The following UBP1 variants were observed in gnomAD, a reference collection of about 807,000 sequenced individuals.
The protein encoded by UBP1 is upstream binding protein 1.
In UBP1, 22 loss-of-function variants were observed where a neutral mutation model predicts 76.1. The ratio of observed to expected loss-of-function variants is 0.29; its 90% CI spans 0.21 to 0.41. The LOEUF (loss-of-function observed/expected upper bound fraction) is 0.41. Ranked by LOEUF, UBP1 falls within the 10% of genes least tolerant of loss-of-function variation. The pLI is 1.00. For synonymous variants in UBP1, 224 were observed against 237.1 expected, an observed-to-expected ratio of 0.94 and a Z score of 0.51; for missense variants, 436 against 668.1, an observed-to-expected ratio of 0.65 and a Z score of 3.83.
rs375776721 is a variant in UBP1 at position 33,439,990 on chromosome 3, G to T, written c.-142C>A. The T allele has an allele frequency of 2.5e-6, 2 of 813,486 alleles. No homozygotes were observed. Among genetic ancestry groups the T allele is most frequent in the Admixed American group, 3.7e-5 (1 of 26,742 alleles). The allele number at this position is 813,486 out of a possible 1,614,324, so 50.4% of individuals were successfully genotyped here. A position where few individuals can be genotyped will look rare whatever the true frequency, so the allele number is the denominator to read the frequency against. On this transcript the variant is annotated 5_prime_UTR_variant, in exon 1 of 16. Transcript: ENST00000283629. Reference sequence around the variant, plus strand: ...AGTGGTCACCAGCGGCGGCCGGGACGAGAGCTGCGGGGGCCCCACTGGCAG... The same window carrying T: ...AGTGGTCACCAGCGGCGGCCGGGACTAGAGCTGCGGGGGCCCCACTGGCAG...
chr3:33,398,735 GAAACATGGA>G (rs1559670403), intron 11 of UBP1, among the ~76,000 whole-genome samples: 1 of 152,222 alleles, frequency 6.6e-6, no homozygotes, highest in South Asian at 2.1e-4. Context: ...TCACCAGATA[GAAACATGGA>G]TTTGCCTGAT....
chr3:33,414,975 A>C (rs200493753), intron 3 of UBP1, among the ~76,000 whole-genome samples: 17 of 85,966 alleles, frequency 2.0e-4, no homozygotes, highest in Non-Finnish European at 2.7e-4. Flanking sequence ...ATTACGTCAT[A>C]ATGAGGTGTC....
chr3:33,412,762 T>G lies in UBP1; in HGVS notation c.408A>C (p.Gly136=). Residue 136 remains glycine (G), a synonymous_variant, in exon 4 of 16, where the codon GGA becomes GGC. Coordinates refer to ENST00000283629, the MANE Select transcript of UBP1 (RefSeq NM_014517.5). ...TGTCTCCTGGGCGATTCCACTTCCA[T>G]CCTTCAAGTTGCTGATGCTCTGTGT... ...LQYTEHQQLE[G]WKWNRPGDRL... 1 of 1,614,068 alleles carries G rather than the reference T, an allele frequency of 6.2e-7. No homozygotes were observed. The highest frequency in any genetic ancestry group is 8.5e-7 in the Non-Finnish European group (1 of 1,179,908).
intron 1 of UBP1, among the ~76,000 whole-genome samples, chr3:33,433,557 G>A (rs1485249182): frequency 1.3e-5 from 2 of 151,588 alleles, no homozygotes; most frequent in Admixed American, 1.3e-4. Context: ...GGAGGCTGAG[G>A]CAGGAGAATC....
At chr3:33,426,762 A>G (rs949299109) in intron 1 of UBP1, among the ~76,000 whole-genome samples, 3 of 152,146 alleles carry the variant, frequency 2.0e-5, no homozygotes, top group Non-Finnish European at 4.4e-5. Context: ...CCAATGCTTC[A>G]TTCTTTTTAA....
Position 33,388,779 on chromosome 3 carries a change from T to C in UBP1, c.*1552A>G, listed in dbSNP as rs188720700. 13 of 152,338 alleles carry C rather than the reference T, an allele frequency of 8.5e-5. No individual in the cohort carries two copies. Among genetic ancestry groups the C allele is most frequent in the East Asian group, 1.9e-4 (1 of 5,188 alleles). The allele number at this position is 152,338 out of a possible 1,614,324, so 9.4% of individuals were successfully genotyped here. A position where few individuals can be genotyped will look rare whatever the true frequency, so the allele number is the denominator to read the frequency against. ...GATATTTTCAAATCGATGATGAAAA[T>C]AGATCGTGCTTCTTTGTAGCAAATA... is the stretch of plus-strand genomic sequence containing the variant. On this transcript the variant is annotated 3_prime_UTR_variant, in exon 16 of 16. Transcript: ENST00000283629.
Position 33,396,232 on chromosome 3 carries a change from G to T in UBP1, c.1320C>A (p.Ser440Arg). The T allele has an allele frequency of 6.3e-7, 1 of 1,593,186 alleles. No homozygotes were observed. Among genetic ancestry groups the T allele is most frequent in the Non-Finnish European group, 8.6e-7 (1 of 1,163,274 alleles). The change falls in exon 13 of 16, where the codon AGC (serine) becomes AGA (arginine). Residue 440 changes from serine (S) to arginine (R), a missense_variant. Transcript: ENST00000283629. ...LTIYVCREQP[S>R]STVLQGQQQA... is the part of the protein sequence containing the mutation. ...GCTGCTGCCCTTGCAGCACTGTGCT[G>T]CTTGGCTGCTCCCGGCAGACATAGA...
At chr3:33,402,252 G>A (rs73051538) in intron 9 of UBP1, among the ~76,000 whole-genome samples, 1 of 152,276 alleles carries the variant, frequency 6.6e-6, no homozygotes, top group Non-Finnish European at 1.5e-5. Context: ...CCCACCCTGA[G>A]CTTACTCTAG....
rs60739079 is a variant in UBP1, at chr3:33,425,996, A to AATATATATATAT, written c.114-267_114-256dup. 1.6e-3 allele frequency among the ~76,000 whole-genome samples: 87 copies of AATATATATATAT among 55,092 alleles called. 1 individual carries two copies. Among genetic ancestry groups the AATATATATATAT allele is most frequent in the African/African-American group, 2.3e-3 (27 of 11,650 alleles). 36.1% of individuals were successfully genotyped at this position (55,092 alleles called of 152,430 possible). A position where few individuals can be genotyped will look rare whatever the true frequency, so the allele number is the denominator to read the frequency against. ...GGGGGAGGGCGGCAGGGCAGCTCTGAATATATATATATATATATATATATA... is the reference window on the plus strand; with the variant it reads ...GGGGGAGGGCGGCAGGGCAGCTCTGAATATATATATATATATATATATATATATATATATATA... On this transcript the variant is annotated intron_variant, in intron 1 of 15. Coordinates refer to ENST00000283629, the MANE Select transcript of UBP1 (RefSeq NM_014517.5).
At chr3:33,393,545 C>G (rs2043851997) in intron 13 of UBP1, 91 bp from the exon 14 acceptor site, 2 of 1,260,328 alleles carry the variant, frequency 1.6e-6, no homozygotes, top group Admixed American at 6.2e-5. Context: ...GAAGGTCACA[C>G]CTTTCAAAGT....
chr3:33,394,817 G>GTTTTT (rs76142927), intron 13 of UBP1, among the ~76,000 whole-genome samples: 14 of 110,426 alleles, frequency 1.3e-4, no homozygotes, highest in Admixed American at 5.3e-4. Context: ...CCCTCCACTT[G>GTTTTT]TTTTTTTTTT....
chr3:33,422,356 C>A (rs1333490246), intron 2 of UBP1, among the ~76,000 whole-genome samples: 1 of 151,496 alleles, frequency 6.6e-6, no homozygotes, highest in Non-Finnish European at 1.5e-5. Flanking sequence ...GCCTGGGCAA[C>A]ATAGCAAGAT....
chr3:33,411,971 G>A (rs939835622), intron 4 of UBP1, among the ~76,000 whole-genome samples: 8 of 152,136 alleles, frequency 5.3e-5, no homozygotes, highest in Non-Finnish European at 1.0e-4. Context: ...TGGATAACCC[G>A]AGGTCAGGAG....
chr3:33,403,113 T>A, intron 8 of UBP1: 1 of 504,942 alleles, frequency 2.0e-6, no homozygotes, highest in Non-Finnish European at 3.6e-6. Flanking sequence ...CTGATTAATC[T>A]TAGAGAAGAC....
At chr3:33,402,676 T>C (rs2044273260) in intron 9 of UBP1, 125 bp downstream of exon 9, 2 of 616,472 alleles carry the variant, frequency 3.2e-6, no homozygotes, top group Non-Finnish European at 5.1e-6. Context: ...AGATACAGGA[T>C]ACTTCCCCTT....
At position 33,439,768 on chromosome 3, in the gene UBP1, C is replaced by A. The variant is rs374162698; in HGVS notation, c.81G>T (p.Gly27=). ...HDFDASLSGI[G]QELGAGAYSM... ...TGTAAGCGCCGGCGCCCAGTTCCTG[C>A]CCGATGCCCGAGAGGCTGGCGTCGA... The change falls in exon 1 of 16, where the codon GGG becomes GGT. Residue 27 remains glycine (G), a synonymous_variant. Coordinates refer to ENST00000283629, the MANE Select transcript of UBP1 (RefSeq NM_014517.5). The A allele has an allele frequency of 6.2e-7, 1 of 1,612,826 alleles. No homozygotes were observed.
In UBP1 at chr3:33,416,793, C is replaced by G. The variant is rs1268448733; in HGVS notation, c.307G>C (p.Gly103Arg). 1.9e-6 allele frequency: 3 copies of G among 1,613,580 alleles called. No homozygotes were observed. The South Asian group carries it at 3.3e-5, about 18-fold the overall frequency. ...TTTCCATTGATCTCAGGCATATCAC[C>G]CATTTTCCGATTATCCAGCATCCGA... is the stretch of plus-strand genomic sequence containing the variant. ...EIRMLDNRKMGDMPEINGKLV... is the reference protein window; with the variant it reads ...EIRMLDNRKMRDMPEINGKLV... The change falls in exon 3 of 16, where the codon GGT becomes CGT. Residue 103 changes from glycine to arginine, a missense_variant. Transcript: ENST00000283629.
Position 33,390,380 on chromosome 3 carries a change from G to C in UBP1, c.1586-12C>G, listed in dbSNP as rs368432015. ...ATCACTACTTTCAGCTGCAGAAAAA[G>C]GAAAGACAGTATTTCTTCAGTCAGG... On this transcript the variant is annotated splice_polypyrimidine_tract_variant and intron_variant, in intron 15 of 15. Transcript: ENST00000283629. 1 of 1,613,638 alleles carries C rather than the reference G, an allele frequency of 6.2e-7. No individual in the cohort carries two copies. Among genetic ancestry groups the C allele is most frequent in the Non-Finnish European group, 8.5e-7 (1 of 1,179,954 alleles).
chr3:33,390,312 G>C lies in UBP1; in HGVS notation c.*19C>G, dbSNP rs1304456786. On this transcript the variant is annotated 3_prime_UTR_variant, in exon 16 of 16. Coordinates refer to ENST00000283629, the MANE Select transcript of UBP1 (RefSeq NM_014517.5). ...GCGTGACTATTTGGTACTGAATACA[G>C]TTCAGTCTATATAAGACATCACTTC... 1.9e-6 allele frequency: 3 copies of C among 1,609,414 alleles called. No homozygotes were observed. Among genetic ancestry groups the C allele is most frequent in the African/African-American group, 1.3e-5 (1 of 74,974 alleles).
Sources: gnomAD v4.1 joint callset for allele counts (sites outside exome capture counted in the v4.1 genomes callset) on GRCh38, gnomAD v4.1.1 for gene constraint, MANE v1.5 for transcripts, NCBI Gene and HGNC (gene_info 2026-07-23, HGNC 2026-07-21) for gene names.